STK24: variants seen among roughly 807,000 people sequenced by gnomAD.
STK24 encodes the protein serine/threonine-protein kinase 24.
STK24 carries 21 observed loss-of-function variants against 55.6 expected under a neutral mutation model. The observed-to-expected ratio is 0.38, with a 90% CI of 0.27 to 0.54. The LOEUF (loss-of-function observed/expected upper bound fraction) is 0.54. Among genes scored for constraint, STK24 ranks in the 20% least tolerant of loss-of-function variants. The probability of loss-of-function intolerance (pLI) is 0.79; values close to 1 mark genes in which losing one functional copy is unlikely to be tolerated. For synonymous variants in STK24, 200 were observed against 215.2 expected (o/e 0.93, Z 0.62); for missense variants, 383 against 538.4 (o/e 0.71, Z 2.86).
intron 1 of STK24, among the ~76,000 whole-genome samples, chr13:98,573,190 GA>G (rs1897787535): frequency 6.6e-6 from 1 of 152,184 alleles, no homozygotes; most frequent in African/African-American, 2.4e-5. Context: ...TTTTGATCCT[GA>G]TGTAAAATAT....
In STK24 at chr13:98,464,276, G is replaced by A. The variant is rs184909997; in HGVS notation, c.784-440C>T. On this transcript the variant is annotated intron_variant, in intron 6 of 10. Transcript: ENST00000539966. ...ACTAAAAATACAAAAAAATTTAGCC[G>A]GGCGTGGTGGTGGGCGCCTGTAGTC... Among the ~76,000 whole-genome samples the A allele has an allele frequency of 6.1e-3, 927 of 151,646 alleles. 8 individuals carry two copies. Among genetic ancestry groups the A allele is most frequent in the African/African-American group, 0.021 (870 of 41,440 alleles).
At chr13:98,565,523 T>C (rs1244326473) in intron 1 of STK24, among the ~76,000 whole-genome samples, 2 of 151,614 alleles carry the variant, frequency 1.3e-5, no homozygotes, top group African/African-American at 2.4e-5. Flanking sequence ...TCCCAGCTAC[T>C]TGGGAGGCTG....
Position 98,452,983 on chromosome 13 carries a change from T to C in STK24, c.*190A>G. 1.9e-6 allele frequency: 1 copy of C among 531,922 alleles called. No homozygotes were observed. Among genetic ancestry groups the C allele is most frequent in the South Asian group, 2.9e-5 (1 of 34,160 alleles). The allele number at this position is 531,922 out of a possible 1,614,324, so 33.0% of individuals were successfully genotyped here. A position where few individuals can be genotyped will look rare whatever the true frequency, so the allele number is the denominator to read the frequency against. On this transcript the variant is annotated 3_prime_UTR_variant, in exon 11 of 11. Transcript: ENST00000539966. The stretch of plus-strand genomic sequence containing the variant: ...GGAAGGAGCTGACCCTCCCCACCCA[T>C]CTGAGAGACTTCATCTGGCTGCAGC...
intron 1 of STK24, among the ~76,000 whole-genome samples, chr13:98,571,663 C>T (rs188601183): frequency 6.6e-6 from 1 of 152,230 alleles, no homozygotes; most frequent in East Asian, 1.9e-4. Context: ...CTTACATAGG[C>T]AACTAACTAA....
intron 1 of STK24, among the ~76,000 whole-genome samples, chr13:98,575,708 T>C (rs984240896): frequency 4.6e-5 from 7 of 152,146 alleles, no homozygotes; most frequent in African/African-American, 1.2e-4. Context: ...CTTTTGGTTT[T>C]CTTCAAACAC....
At chr13:98,475,996 C>A (rs1031525341) in intron 3 of STK24, among the ~76,000 whole-genome samples, 1 of 151,850 alleles carries the variant, frequency 6.6e-6, no homozygotes, top group Non-Finnish European at 1.5e-5. Context: ...GAGCTTAAAT[C>A]CTAATAGTTT....
At position 98,448,157 on chromosome 13, in the gene STK24, T is replaced by G; in HGVS notation, c.*5016A>C. The G allele has an allele frequency of 8.0e-7, 1 of 1,250,032 alleles. No homozygotes were observed. Among genetic ancestry groups the G allele is most frequent in the East Asian group, 2.3e-5 (1 of 43,108 alleles). The allele number at this position is 1,250,032 out of a possible 1,614,324, so 77.4% of individuals were successfully genotyped here. On this transcript the variant is annotated 3_prime_UTR_variant, in exon 11 of 11. Transcript: ENST00000539966. ...CCAGGCGGCCTGACTTCACCTTGTG[T>G]TTCTGTAAGCGATGCCCACCAAAGT...
chr13:98,502,656 G>A (rs992379989), intron 2 of STK24, among the ~76,000 whole-genome samples: 5 of 152,046 alleles, frequency 3.3e-5, no homozygotes, highest in South Asian at 2.1e-4. Flanking sequence ...TCCTTCGCAC[G>A]AGCTTGCTTG....
chr13:98,503,024 G>GGTTTTTTTTTTTTT (rs759314930), intron 2 of STK24, among the ~76,000 whole-genome samples: 10 of 107,084 alleles, frequency 9.3e-5, no homozygotes, highest in South Asian at 2.9e-4. Context: ...CTTTCCATGT[G>GGTTTTTTTTTTTTT]TTTTTTTTTT....
intron 2 of STK24, among the ~76,000 whole-genome samples, chr13:98,484,257 A>C (rs566512979): frequency 3.3e-5 from 5 of 152,252 alleles, no homozygotes; most frequent in Admixed American, 2.6e-4. Context: ...TTCCAGGAAA[A>C]CACCAGTATC....
chr13:98,457,594 C>T (rs193161391), intron 9 of STK24, among the ~76,000 whole-genome samples: 1,717 of 151,984 alleles, frequency 0.011, 22 homozygotes, highest in Non-Finnish European at 0.019. Context: ...CTCAGCCTCC[C>T]GAGTAGCTGG....
intron 2 of STK24, among the ~76,000 whole-genome samples, chr13:98,510,832 C>T (rs553084598): frequency 5.3e-5 from 8 of 152,262 alleles, no homozygotes; most frequent in African/African-American, 1.2e-4. Context: ...ATGGCTGCAC[C>T]GCTCTGTGAT....
chr13:98,550,278 C>A (rs1325364640), intron 1 of STK24, among the ~76,000 whole-genome samples: 1 of 152,200 alleles, frequency 6.6e-6, no homozygotes, highest in Non-Finnish European at 1.5e-5. Flanking sequence ...GTGGCTCATG[C>A]CCATAATCCC....
At chr13:98,453,307 T>C in intron 10 of STK24, 98 bp from the exon 11 acceptor site, 1 of 1,273,082 alleles carries the variant, frequency 7.9e-7, no homozygotes, top group Non-Finnish European at 1.1e-6. Flanking sequence ...CATAAGAAAT[T>C]CCAAGTCATA....
At chr13:98,553,015 C>T (rs755355105) in intron 1 of STK24, among the ~76,000 whole-genome samples, 3 of 152,124 alleles carry the variant, frequency 2.0e-5, no homozygotes, top group Admixed American at 2.0e-4. Flanking sequence ...AAACGTACCA[C>T]TCTGGCACAG....
intron 7 of STK24, 107 bp downstream of exon 7, chr13:98,463,584 T>TAAAAA: frequency 2.9e-6 from 3 of 1,048,892 alleles, no homozygotes; most frequent in Non-Finnish European, 2.6e-6. Flanking sequence ...CTGGATTGTC[T>TAAAAA]AAAAAAAAAA....
chr13:98,511,124 A>G (rs1895864865), intron 2 of STK24, among the ~76,000 whole-genome samples: 2 of 152,188 alleles, frequency 1.3e-5, no homozygotes, highest in Non-Finnish European at 2.9e-5. Flanking sequence ...TCGGCTTTCC[A>G]AAGTGTTGGA....
intron 1 of STK24, among the ~76,000 whole-genome samples, chr13:98,523,250 A>G (rs1896323546): frequency 6.6e-6 from 1 of 152,136 alleles, no homozygotes; most frequent in African/African-American, 2.4e-5. Context: ...CCCTCCAGTA[A>G]ACTGTCCCGC....
intron 1 of STK24, among the ~76,000 whole-genome samples, chr13:98,532,477 C>CCA (rs887389426): frequency 1.3e-5 from 2 of 150,980 alleles, no homozygotes; most frequent in African/African-American, 2.4e-5. Context: ...CACACCCATC[C>CCA]CACACACACA....
Sources: allele counts gnomAD v4.1 joint callset (sites outside exome capture counted in the v4.1 genomes callset), GRCh38; gene constraint gnomAD v4.1.1; transcripts MANE v1.5; gene names NCBI Gene and HGNC (gene_info 2026-07-23, HGNC 2026-07-21).